AFG2A: variants seen among roughly 807,000 people sequenced by gnomAD.
AFG2A encodes the protein ATPase family gene 2 protein homolog A.
chr4:123,076,396 A>T, the AFG2A span, among the ~76,000 whole-genome samples: 2 of 152,154 alleles, frequency 1.3e-5, no homozygotes, highest in Non-Finnish European at 2.9e-5. Flanking sequence ...AAAACTGCTT[A>T]TAATAAAGCT....
chr4:123,097,911 G>T, the AFG2A span, among the ~76,000 whole-genome samples: 1 of 152,080 alleles, frequency 6.6e-6, no homozygotes, highest in Admixed American at 6.6e-5. Context: ...ATATTTAAAT[G>T]ATTAGGAAAA....
the AFG2A span, among the ~76,000 whole-genome samples, chr4:122,955,048 G>T: frequency 6.6e-6 from 1 of 152,114 alleles, no homozygotes; most frequent in African/African-American, 2.4e-5. Flanking sequence ...TTGTGGTACT[G>T]AGTCCGTGTT....
the AFG2A span, among the ~76,000 whole-genome samples, chr4:123,269,739 A>G: frequency 2.7e-5 from 4 of 146,112 alleles, no homozygotes; most frequent in African/African-American, 1.0e-4. Context: ...TGCTCCTTGT[A>G]ATACATCCTT....
At chr4:123,184,301 T>C in the AFG2A span, among the ~76,000 whole-genome samples, 1 of 152,174 alleles carries the variant, frequency 6.6e-6, no homozygotes, top group African/African-American at 2.4e-5. Flanking sequence ...ATTTTGGCAT[T>C]CTAAGTATTC....
the AFG2A span, among the ~76,000 whole-genome samples, chr4:123,132,614 A>ATATATATG: frequency 6.7e-6 from 1 of 148,216 alleles, no homozygotes; most frequent in Non-Finnish European, 1.5e-5. Flanking sequence ...ATATATATAT[A>ATATATATG]TGTGCATATA....
At chr4:123,110,481 T>G in the AFG2A span, among the ~76,000 whole-genome samples, 1 of 152,198 alleles carries the variant, frequency 6.6e-6, no homozygotes, top group Non-Finnish European at 1.5e-5. Context: ...AAAACTATCA[T>G]GTATATACTG....
chr4:123,250,824 G>A, the AFG2A span, among the ~76,000 whole-genome samples: 1 of 152,140 alleles, frequency 6.6e-6, no homozygotes, highest in Non-Finnish European at 1.5e-5. Context: ...TTGTCATATA[G>A]TGATTTTAAT....
At chr4:123,148,272 G>A in the AFG2A span, among the ~76,000 whole-genome samples, 1 of 152,118 alleles carries the variant, frequency 6.6e-6, no homozygotes, top group African/African-American at 2.4e-5. Context: ...TTAGCACTAA[G>A]AGCTACGTGT....
the AFG2A span, among the ~76,000 whole-genome samples, chr4:123,196,279 G>GATTACAGGTGTGA: frequency 1.3e-5 from 2 of 150,308 alleles, no homozygotes; most frequent in African/African-American, 4.9e-5. Context: ...AAAGTGCTGG[G>GATTACAGGTGTGA]ATTACAGGTG....
the AFG2A span, among the ~76,000 whole-genome samples, chr4:123,104,125 G>T: frequency 6.6e-6 from 1 of 152,126 alleles, no homozygotes; most frequent in African/African-American, 2.4e-5. Flanking sequence ...TTGAGTATTT[G>T]TGGTAACCCT....
the AFG2A span, among the ~76,000 whole-genome samples, chr4:123,153,171 G>A: frequency 0.99 from 151,266 of 152,338 alleles, 75,099 homozygotes; most frequent in Middle Eastern, 1. Flanking sequence ...GCTCACCTAT[G>A]TGTCTGGCTT....
the AFG2A span, among the ~76,000 whole-genome samples, chr4:122,976,562 G>A: frequency 2.7e-4 from 41 of 152,042 alleles, no homozygotes; most frequent in East Asian, 3.1e-3. Flanking sequence ...CAATTGATGG[G>A]CTTTCCTAAG....
At chr4:123,047,864 AT>A in the AFG2A span, among the ~76,000 whole-genome samples, 1 of 151,860 alleles carries the variant, frequency 6.6e-6, no homozygotes, top group Non-Finnish European at 1.5e-5. Context: ...CACTACACCT[AT>A]TTTTTTAAAT....
the AFG2A span, among the ~76,000 whole-genome samples, chr4:123,100,451 G>C: frequency 2.0e-5 from 3 of 151,684 alleles, no homozygotes; most frequent in Non-Finnish European, 4.4e-5. Flanking sequence ...TTGACATTTT[G>C]GATTATTTCA....
At chr4:123,020,511 G>A in the AFG2A span, among the ~76,000 whole-genome samples, 1 of 151,902 alleles carries the variant, frequency 6.6e-6, no homozygotes, top group South Asian at 2.1e-4. Context: ...GGAGTTTCCA[G>A]GTGCCGGCCA....
chr4:122,923,170 T>C, the AFG2A span: 14 of 1,614,118 alleles, frequency 8.7e-6, no homozygotes, highest in East Asian at 8.9e-5. Flanking sequence ...TAGAAAGCGG[T>C]TGAACCAAAG....
At chr4:123,052,640 C>G in the AFG2A span, among the ~76,000 whole-genome samples, 90 of 152,272 alleles carry the variant, frequency 5.9e-4, no homozygotes, top group African/African-American at 2.1e-3. Flanking sequence ...GTTTCCTGAG[C>G]CTGTGACCAC....
the AFG2A span, among the ~76,000 whole-genome samples, chr4:123,114,257 G>A: frequency 1.2e-4 from 18 of 152,236 alleles, no homozygotes; most frequent in Non-Finnish European, 7.4e-5. Context: ...ACTCTGGTCC[G>A]CAGGGCTGGC....
chr4:123,044,788 C>CT, the AFG2A span, among the ~76,000 whole-genome samples: 1 of 150,716 alleles, frequency 6.6e-6, no homozygotes, highest in Non-Finnish European at 1.5e-5. Flanking sequence ...TTTTGTCAAT[C>CT]TTTTTTGTTT....
Sources: allele counts gnomAD v4.1 joint callset (sites outside exome capture counted in the v4.1 genomes callset), GRCh38; gene constraint gnomAD v4.1.1; transcripts MANE v1.5; gene names NCBI Gene and HGNC (gene_info 2026-07-23, HGNC 2026-07-21).